Variants in RAB38 observed in about 807,000 individuals in gnomAD.
The protein encoded by RAB38 is ras-related protein Rab-38.
In RAB38, 15 loss-of-function variants were observed where a neutral mutation model predicts 18.4. The observed-to-expected ratio is 0.82, with a 90% confidence interval of 0.55 to 1.26. RAB38 has a LOEUF of 1.26. Among genes scored for constraint, RAB38 ranks in the 50% most tolerant of loss-of-function variants. The pLI is 0.00. For missense variants in RAB38, 294 were observed against 267.4 expected (o/e 1.10, Z -0.69); for synonymous variants, 101 against 104.4 (o/e 0.97, Z 0.20).
At chr11:87,954,762 G>A in the RAB38 span, among the ~76,000 whole-genome samples, 1 of 152,096 alleles carries the variant, frequency 6.6e-6, no homozygotes, top group African/African-American at 2.4e-5. Flanking sequence ...ACTGCAGAAA[G>A]CAAGGACACT....
At chr11:87,805,604 T>TACAC in the RAB38 span, among the ~76,000 whole-genome samples, 4 of 145,524 alleles carry the variant, frequency 2.7e-5, no homozygotes, top group East Asian at 6.0e-4. Flanking sequence ...GAGAAAACAC[T>TACAC]ACACACACAC....
the RAB38 span, among the ~76,000 whole-genome samples, chr11:87,809,576 A>G: frequency 1.3e-5 from 2 of 152,202 alleles, no homozygotes; most frequent in African/African-American, 4.8e-5. Flanking sequence ...GGGAAAAGAC[A>G]GAAAATCTTA....
the RAB38 span, among the ~76,000 whole-genome samples, chr11:88,081,577 C>T: frequency 6.6e-6 from 1 of 151,860 alleles, no homozygotes; most frequent in African/African-American, 2.4e-5. Context: ...TGGCTTGTGA[C>T]ACATTATTGA....
chr11:87,852,538 G>C, the RAB38 span, among the ~76,000 whole-genome samples: 2 of 152,186 alleles, frequency 1.3e-5, no homozygotes, highest in African/African-American at 4.8e-5. Flanking sequence ...TACTGATCTA[G>C]TAAAAGGCCC....
At chr11:88,111,313 G>T (rs918627697), downstream of RAB38, among the ~76,000 whole-genome samples, 1 of 151,974 alleles carries the variant, frequency 6.6e-6, no homozygotes, top group African/African-American at 2.4e-5. Flanking sequence ...ACTACTTTCT[G>T]CTCCACTATC....
chr11:88,020,308 A>G, the RAB38 span, among the ~76,000 whole-genome samples: 7 of 152,190 alleles, frequency 4.6e-5, no homozygotes, highest in Middle Eastern at 3.2e-3. Flanking sequence ...AGCTCTACAT[A>G]TATCAGACAA....
At chr11:87,818,526 C>T in the RAB38 span, among the ~76,000 whole-genome samples, 1 of 152,090 alleles carries the variant, frequency 6.6e-6, no homozygotes, top group African/African-American at 2.4e-5. Flanking sequence ...AATTTGGATA[C>T]AGGCACTCTG....
the RAB38 span, among the ~76,000 whole-genome samples, chr11:87,855,242 C>T: frequency 6.6e-6 from 1 of 152,112 alleles, no homozygotes; most frequent in Non-Finnish European, 1.5e-5. Flanking sequence ...GAATTAAAGT[C>T]AATGCTTTTC....
the RAB38 span, among the ~76,000 whole-genome samples, chr11:88,101,556 C>G: frequency 6.6e-6 from 1 of 151,750 alleles, no homozygotes; most frequent in South Asian, 2.1e-4. Flanking sequence ...AAATACAATT[C>G]CATTTAGGCA....
the RAB38 span, among the ~76,000 whole-genome samples, chr11:87,904,746 GT>G: frequency 6.6e-6 from 1 of 151,442 alleles, no homozygotes; most frequent in Non-Finnish European, 1.5e-5. Context: ...AGCATCTGTT[GT>G]TTTTTTGACT....
chr11:87,805,274 A>G, the RAB38 span, among the ~76,000 whole-genome samples: 27 of 152,116 alleles, frequency 1.8e-4, no homozygotes, highest in Admixed American at 6.6e-4. Flanking sequence ...GCAACTATCT[A>G]TGGACATCTA....
intron 1 of RAB38, among the ~76,000 whole-genome samples, chr11:88,152,429 GTA>G (rs886386104): frequency 2.6e-5 from 4 of 152,062 alleles, no homozygotes; most frequent in African/African-American, 9.7e-5. Flanking sequence ...GTGTGTGTGT[GTA>G]TATATATATG....
At chr11:88,102,203 C>T in the RAB38 span, among the ~76,000 whole-genome samples, 2 of 151,914 alleles carry the variant, frequency 1.3e-5, no homozygotes, top group East Asian at 3.9e-4. Context: ...AGGATACATG[C>T]CAGGTTGTAT....
the RAB38 span, among the ~76,000 whole-genome samples, chr11:87,950,839 T>A: frequency 6.6e-6 from 1 of 152,218 alleles, no homozygotes; most frequent in Non-Finnish European, 1.5e-5. Flanking sequence ...CATTTCAACC[T>A]TGGTGAATCA....
chr11:88,105,246 T>A, the RAB38 span, among the ~76,000 whole-genome samples: 1 of 152,184 alleles, frequency 6.6e-6, no homozygotes, highest in African/African-American at 2.4e-5. Flanking sequence ...TTTTATTCTA[T>A]AAGCCACTTG....
the RAB38 span, among the ~76,000 whole-genome samples, chr11:88,076,956 C>CAA: frequency 3.0e-4 from 13 of 42,914 alleles, no homozygotes; most frequent in Non-Finnish European, 3.6e-4. Context: ...GAGACTCCAT[C>CAA]AAAAAAAAAA....
At chr11:88,036,536 A>G in the RAB38 span, among the ~76,000 whole-genome samples, 3 of 151,346 alleles carry the variant, frequency 2.0e-5, no homozygotes, top group Admixed American at 6.6e-5. Context: ...GCCATCACCA[A>G]TAAAACTTAA....
chr11:87,866,645 T>C, the RAB38 span, among the ~76,000 whole-genome samples: 7 of 151,874 alleles, frequency 4.6e-5, no homozygotes, highest in South Asian at 6.2e-4. Flanking sequence ...AGTAAATGTA[T>C]ATTGAACTCC....
At chr11:87,934,603 T>C in the RAB38 span, among the ~76,000 whole-genome samples, 1 of 152,134 alleles carries the variant, frequency 6.6e-6, no homozygotes, top group South Asian at 2.1e-4. Flanking sequence ...TTCCTAGTTC[T>C]GCCTGTGGTC....
Sources: gnomAD v4.1 joint callset for allele counts (sites outside exome capture counted in the v4.1 genomes callset) on GRCh38, gnomAD v4.1.1 for gene constraint, MANE v1.5 for transcripts, NCBI Gene and HGNC (gene_info 2026-07-23, HGNC 2026-07-21) for gene names.